Variants in ERC1 observed in about 807,000 individuals in gnomAD.
ERC1 encodes the protein ELKS/RAB6-interacting/CAST family member 1.
In ERC1, 56 loss-of-function variants were observed where a neutral mutation model predicts 132.0. The observed-to-expected ratio is 0.42, with a 90% CI of 0.34 to 0.53. The LOEUF is 0.53. ERC1 is among the 20% of genes least tolerant of loss of function. The pLI, the probability that ERC1 is intolerant of heterozygous loss-of-function variation, is 0.03. For missense variants in ERC1, 1,202 were observed against 1,349.9 expected (o/e 0.89, Z 1.72); for synonymous variants, 478 against 476.1 (o/e 1.00, Z -0.05).
intron 8 of ERC1, among the ~76,000 whole-genome samples, chr12:1,156,916 A>G (rs1181642955): frequency 6.6e-6 from 1 of 151,922 alleles, no homozygotes; most frequent in Admixed American, 6.6e-5. Flanking sequence ...TCCTCTAGTA[A>G]ATACATTGGT....
At chr12:1,128,747 G>A (rs549358438) in intron 7 of ERC1, among the ~76,000 whole-genome samples, 48 of 152,070 alleles carry the variant, frequency 3.2e-4, no homozygotes, top group Admixed American at 2.3e-3. Flanking sequence ...GATTTAAAAC[G>A]CGAGGAAAAA....
intron 2 of ERC1, among the ~76,000 whole-genome samples, chr12:1,034,682 A>C (rs1436701838): frequency 6.6e-6 from 1 of 152,172 alleles, no homozygotes; most frequent in African/African-American, 2.4e-5. Flanking sequence ...GATAGTTTTT[A>C]TTATGAAGTG....
At chr12:1,362,458 CTCTCTCTCTCTG>C (rs1175818335) in intron 15 of ERC1, among the ~76,000 whole-genome samples, 1 of 152,142 alleles carries the variant, frequency 6.6e-6, no homozygotes, top group Non-Finnish European at 1.5e-5. Context: ...GTCTCTCTCT[CTCTCTCTCTCTG>C]TCTCTCTCTC....
rs574695816 is a variant in ERC1 at position 1,121,228 on chromosome 12, C to T, written c.1569+5195C>T. Among the ~76,000 whole-genome samples, 155 of 152,316 alleles carry T rather than the reference C, an allele frequency of 1.0e-3. 6 individuals carry two copies. In the South Asian group the frequency reaches 0.029, roughly 28 times the overall value. Reference sequence around the variant, plus strand: ...CGATCGATTCAAACCCGCAAACTTGCGTTCTTGATCATAACGCTGCAATTC... The same window carrying T: ...CGATCGATTCAAACCCGCAAACTTGTGTTCTTGATCATAACGCTGCAATTC... On this transcript the variant is annotated intron_variant, in intron 7 of 18. Coordinates refer to ENST00000360905, the MANE Select transcript of ERC1 (RefSeq NM_178040.4).
intron 18 of ERC1, among the ~76,000 whole-genome samples, chr12:1,452,091 G>A (rs2093436920): frequency 6.6e-6 from 1 of 152,172 alleles, no homozygotes; most frequent in Non-Finnish European, 1.5e-5. Flanking sequence ...AACTTCTGTT[G>A]TTTAAGCCAC....
At chr12:1,393,928 A>G (rs35098918) in intron 16 of ERC1, among the ~76,000 whole-genome samples, 43,569 of 145,038 alleles carry the variant, frequency 0.3, 6,577 homozygotes, top group Middle Eastern at 0.36. Flanking sequence ...AGGCAGGAGA[A>G]TGGCGTGAAC....
chr12:1,440,604 G>T (rs572291274), intron 17 of ERC1, among the ~76,000 whole-genome samples: 1,276 of 7,292 alleles, frequency 0.17, 224 homozygotes, highest in African/African-American at 0.36. Flanking sequence ...AGCCTTTTGT[G>T]TGTGTGTGTG....
At chr12:1,216,614 A>ATGGGGGGCGGGGGGGGAGGGG (rs1958440623) in intron 12 of ERC1, among the ~76,000 whole-genome samples, 1 of 3,290 alleles carries the variant, frequency 3.0e-4, no homozygotes, top group African/African-American at 1.1e-3. Context: ...GGGAGGAGGG[A>ATGGGGGGCGGGGGGGGAGGGG]TGGGGGGTGG....
chr12:1,341,382 A>ATT (rs563093070), intron 15 of ERC1, among the ~76,000 whole-genome samples: 3 of 152,152 alleles, frequency 2.0e-5, no homozygotes, highest in African/African-American at 7.2e-5. Flanking sequence ...TTTCGGCACT[A>ATT]TTCACGATAG....
intron 2 of ERC1, among the ~76,000 whole-genome samples, chr12:1,065,064 G>A (rs1224370993): frequency 5.9e-5 from 9 of 151,926 alleles, no homozygotes; most frequent in East Asian, 1.9e-4. Context: ...GCAGTGGCAC[G>A]ATCTTGGCTT....
intron 15 of ERC1, among the ~76,000 whole-genome samples, chr12:1,305,167 C>G (rs898606295): frequency 1.3e-5 from 2 of 152,148 alleles, no homozygotes; most frequent in African/African-American, 4.8e-5. Flanking sequence ...GAGTCCTGTT[C>G]CTTCAGAGCA....
chr12:1,360,709 A>G (rs972121891), intron 15 of ERC1, among the ~76,000 whole-genome samples: 3 of 152,210 alleles, frequency 2.0e-5, no homozygotes, highest in African/African-American at 7.2e-5. Context: ...TCCCTGAAGA[A>G]TATATCTTTC....
intron 18 of ERC1, among the ~76,000 whole-genome samples, chr12:1,466,858 A>G (rs2093753477): frequency 1.3e-5 from 2 of 152,216 alleles, no homozygotes; most frequent in Admixed American, 1.3e-4. Flanking sequence ...AGATAAGATT[A>G]TGGTATTCTT....
intron 12 of ERC1, among the ~76,000 whole-genome samples, chr12:1,235,624 C>G (rs148888903): frequency 3.3e-5 from 5 of 152,228 alleles, no homozygotes; most frequent in African/African-American, 1.2e-4. Context: ...CATTGTAAAA[C>G]TATAATGAGG....
In ERC1 at chr12:1,276,586, T is replaced by A. The variant is rs182634722; in HGVS notation, c.2620-13266T>A. Among the ~76,000 whole-genome samples the A allele has an allele frequency of 4.6e-5, 7 of 152,002 alleles. No individual in the cohort carries two copies. The East Asian group carries it at 1.3e-3, about 29-fold the overall frequency. On this transcript the variant is annotated intron_variant, in intron 14 of 18. Transcript: ENST00000360905. ...TGTACTTAGTCCTGTTTTTTTTTTT[T>A]AATAACACTGCATTATTATTACGTA...
At chr12:1,341,110 T>C (rs2083836984) in intron 15 of ERC1, among the ~76,000 whole-genome samples, 1 of 108,164 alleles carries the variant, frequency 9.2e-6, no homozygotes, top group Non-Finnish European at 1.9e-5. Context: ...TTTTTTTTTT[T>C]TGAGGCAGAG....
chr12:1,104,117 A>G (rs535330932), intron 3 of ERC1, among the ~76,000 whole-genome samples: 14 of 149,960 alleles, frequency 9.3e-5, no homozygotes, highest in Middle Eastern at 3.4e-3. Flanking sequence ...GAACTCAGTA[A>G]AATTTGGGTA....
intron 16 of ERC1, among the ~76,000 whole-genome samples, chr12:1,388,181 C>G (rs2154381365): frequency 6.6e-6 from 1 of 151,962 alleles, no homozygotes; most frequent in Non-Finnish European, 1.5e-5. Flanking sequence ...AACCCTGTCT[C>G]TGTTAAAAAT....
intron 14 of ERC1, among the ~76,000 whole-genome samples, chr12:1,289,582 C>T (rs549863540): frequency 1.3e-5 from 2 of 152,130 alleles, no homozygotes; most frequent in South Asian, 4.1e-4. Context: ...TGGCAGCGTG[C>T]GACTTCTTAA....
Sources: allele counts gnomAD v4.1 joint callset (sites outside exome capture counted in the v4.1 genomes callset), GRCh38; gene constraint gnomAD v4.1.1; transcripts MANE v1.5; gene names NCBI Gene and HGNC (gene_info 2026-07-23, HGNC 2026-07-21).